Variants in KDM4C observed in about 807,000 individuals in gnomAD.
The protein encoded by KDM4C is lysine demethylase 4C.
In KDM4C, 81 loss-of-function variants were observed where a neutral mutation model predicts 129.3. The observed-to-expected ratio is 0.63, with a 90% CI of 0.52 to 0.75. The LOEUF is 0.75. KDM4C is among the 30% of genes least tolerant of loss of function. The probability of loss-of-function intolerance (pLI) is 0.00; values close to 1 mark genes in which losing one functional copy is unlikely to be tolerated. For synonymous variants in KDM4C, 573 were observed against 456.1 expected, an observed-to-expected ratio of 1.26 and a Z score of -3.26; for missense variants, 1,457 against 1,304.0, an observed-to-expected ratio of 1.12 and a Z score of -1.81.
intron 8 of KDM4C, among the ~76,000 whole-genome samples, chr9:6,921,304 A>T (rs970522060): frequency 6.6e-6 from 1 of 152,210 alleles, no homozygotes; most frequent in Non-Finnish European, 1.5e-5. Flanking sequence ...CCTGCCATGA[A>T]ATCAAGGCTG....
chr9:7,076,404 G>C, intron 17 of KDM4C: 1 of 1,467,920 alleles, frequency 6.8e-7, no homozygotes, highest in Non-Finnish European at 9.3e-7. Context: ...TGGCATATTG[G>C]ACTTTTAAAA....
chr9:6,835,810 A>T (rs1835776627), intron 4 of KDM4C, among the ~76,000 whole-genome samples: 1 of 151,946 alleles, frequency 6.6e-6, no homozygotes. Context: ...TCTTGTTTGT[A>T]CATTGTTCTT....
At chr9:7,036,521 A>T (rs1474825487) in intron 15 of KDM4C, among the ~76,000 whole-genome samples, 3 of 152,164 alleles carry the variant, frequency 2.0e-5, no homozygotes, top group Non-Finnish European at 4.4e-5. Context: ...TTTTCATAGC[A>T]TTGTAAACAA....
chr9:6,886,185 C>T (rs929899044), intron 6 of KDM4C, among the ~76,000 whole-genome samples: 2 of 152,162 alleles, frequency 1.3e-5, no homozygotes, highest in African/African-American at 4.8e-5. Flanking sequence ...TAGTGTCTTA[C>T]TTTCCCTCCA....
At chr9:7,070,773 A>C (rs540573886) in intron 17 of KDM4C, among the ~76,000 whole-genome samples, 2 of 152,300 alleles carry the variant, frequency 1.3e-5, no homozygotes, top group South Asian at 4.1e-4. Context: ...GATACACTGA[A>C]TTCTTTCCTG....
chr9:7,003,391 G>T (rs966328300), intron 12 of KDM4C, among the ~76,000 whole-genome samples: 3 of 150,972 alleles, frequency 2.0e-5, no homozygotes, highest in African/African-American at 7.3e-5. Context: ...ATAGTTCCTG[G>T]TGAAACCCAT....
chr9:7,045,403 T>C (rs141415740), intron 15 of KDM4C, among the ~76,000 whole-genome samples: 18 of 152,214 alleles, frequency 1.2e-4, no homozygotes, highest in African/African-American at 4.3e-4. Context: ...TTGTTTCCTT[T>C]TTCATTCATT....
At chr9:6,844,118 T>C (rs1299626948) in intron 4 of KDM4C, among the ~76,000 whole-genome samples, 1 of 152,344 alleles carries the variant, frequency 6.6e-6, no homozygotes, top group Middle Eastern at 3.4e-3. Flanking sequence ...ATTACAGGCA[T>C]AAACCATCAT....
intron 8 of KDM4C, among the ~76,000 whole-genome samples, chr9:6,932,154 A>C (rs114034039): frequency 0.012 from 1,830 of 152,262 alleles, 29 homozygotes; most frequent in African/African-American, 0.042. Flanking sequence ...CATGTACTTC[A>C]TGAAAGAGAA....
chr9:6,802,845 G>A (rs1285976329), intron 2 of KDM4C, among the ~76,000 whole-genome samples: 1 of 152,222 alleles, frequency 6.6e-6, no homozygotes, highest in Non-Finnish European at 1.5e-5. Flanking sequence ...GACCTCAGGT[G>A]GTCTGTCCAC....
intron 15 of KDM4C, among the ~76,000 whole-genome samples, chr9:7,029,911 G>C (rs893083942): frequency 1.3e-5 from 2 of 152,182 alleles, no homozygotes; most frequent in African/African-American, 4.8e-5. Context: ...TTTATTGCCA[G>C]TTTGAAAAAC....
In KDM4C at chr9:6,770,631, T is replaced by C. The variant is rs531738576; in HGVS notation, c.-18+12428T>C. 5.3e-5 allele frequency among the ~76,000 whole-genome samples: 8 copies of C among 151,744 alleles called. No individual in the cohort carries two copies. In the South Asian group the frequency reaches 1.7e-3, roughly 32 times the overall value. ...AAATGTGCAAATTGCCATAATTCTCTAAAATAGTATTTCTTGCATTCATTA... is the reference window on the plus strand; with the variant it reads ...AAATGTGCAAATTGCCATAATTCTCCAAAATAGTATTTCTTGCATTCATTA... On this transcript the variant is annotated intron_variant, in intron 1 of 21. Coordinates refer to ENST00000381309, the MANE Select transcript of KDM4C (RefSeq NM_015061.6).
At chr9:6,940,022 C>CTTCCTTCCTTCCTTCT (rs1825621560) in intron 8 of KDM4C, among the ~76,000 whole-genome samples, 1 of 133,662 alleles carries the variant, frequency 7.5e-6, no homozygotes, top group Non-Finnish European at 1.6e-5. Flanking sequence ...TCCTTCCTTC[C>CTTCCTTCCTTCCTTCT]TTCCTTCCTT....
intron 17 of KDM4C, among the ~76,000 whole-genome samples, chr9:7,062,529 A>G (rs1831843996): frequency 6.6e-6 from 1 of 152,004 alleles, no homozygotes; most frequent in East Asian, 1.9e-4. Flanking sequence ...CTGGGAATAC[A>G]GGTTTGCACT....
chr9:7,063,588 C>A (rs1370538603), intron 17 of KDM4C, among the ~76,000 whole-genome samples: 5 of 152,152 alleles, frequency 3.3e-5, no homozygotes, highest in Admixed American at 2.6e-4. Flanking sequence ...GCTTTCTGGT[C>A]TTAACGATAT....
chr9:6,766,064 C>T (rs1031584013), intron 1 of KDM4C, among the ~76,000 whole-genome samples: 4 of 152,144 alleles, frequency 2.6e-5, no homozygotes, highest in African/African-American at 9.7e-5. Context: ...GCTGGGATTA[C>T]AGGCAATAGC....
intron 17 of KDM4C, among the ~76,000 whole-genome samples, chr9:7,072,617 G>C (rs1301418415): frequency 1.3e-5 from 2 of 152,140 alleles, no homozygotes; most frequent in African/African-American, 4.8e-5. Flanking sequence ...CTTATGCATG[G>C]GTGGAGTCAC....
At chr9:7,037,703 A>T (rs1005158246) in intron 15 of KDM4C, among the ~76,000 whole-genome samples, 8 of 152,256 alleles carry the variant, frequency 5.3e-5, no homozygotes, top group Middle Eastern at 6.8e-3. Flanking sequence ...ATCAGATTTT[A>T]TATTTTTTCA....
At chr9:6,841,998 A>T (rs756916896) in intron 4 of KDM4C, among the ~76,000 whole-genome samples, 1 of 152,224 alleles carries the variant, frequency 6.6e-6, no homozygotes. Flanking sequence ...GGCCATTTGC[A>T]TATTGATCAT....
Sources: allele counts gnomAD v4.1 joint callset (sites outside exome capture counted in the v4.1 genomes callset), GRCh38; gene constraint gnomAD v4.1.1; transcripts MANE v1.5; gene names NCBI Gene and HGNC (gene_info 2026-07-23, HGNC 2026-07-21).